The following USP30 variants were observed in gnomAD, a reference collection of about 807,000 sequenced individuals.
USP30 encodes ubiquitin carboxyl-terminal hydrolase 30.
A neutral mutation model predicts 68.2 loss-of-function variants in USP30; 41 were observed. That is an observed-to-expected ratio of 0.60 (90% CI 0.47 to 0.78). The LOEUF is 0.78. Ranked by LOEUF, USP30 falls within the 30% of genes least tolerant of loss-of-function variation. USP30 has a pLI of 0.00. For missense variants in USP30, 522 were observed against 649.4 expected, an observed-to-expected ratio of 0.80 and a Z score of 2.13; for synonymous variants, 229 against 253.7, an observed-to-expected ratio of 0.90 and a Z score of 0.93.
At position 109,066,071 on chromosome 12, in the gene USP30, G is replaced by A. The variant is rs144845334; in HGVS notation, c.377-1453G>A. 5.5e-3 allele frequency among the ~76,000 whole-genome samples: 830 copies of A among 151,996 alleles called. 6 individuals carry two copies. The highest frequency in any genetic ancestry group is 9.4e-3 in the Non-Finnish European group (640 of 67,966). On this transcript the variant is annotated intron_variant, in intron 3 of 12. Coordinates refer to ENST00000257548, the MANE Select transcript of USP30 (RefSeq NM_032663.5). ...ATTCAAGACCAGCCTGGGCAACATG[G>A]TGAAACTCTGTCACTACAAAAAATA...
intron 3 of USP30, among the ~76,000 whole-genome samples, chr12:109,043,178 A>T (rs1161062220): frequency 6.6e-6 from 1 of 152,198 alleles, no homozygotes; most frequent in Non-Finnish European, 1.5e-5. Flanking sequence ...ACCCAAAGTG[A>T]TCTGTAGAGT....
intron 8 of USP30, chr12:109,081,660 C>CACACACACACACACACACACAG: frequency 3.5e-6 from 2 of 565,530 alleles, no homozygotes; most frequent in South Asian, 4.3e-5. Context: ...CACACACACA[C>CACACACACACACACACACACAG]ACAGACATTA....
intron 1 of USP30, among the ~76,000 whole-genome samples, chr12:109,023,946 T>C (rs2040425983): frequency 6.6e-6 from 1 of 151,944 alleles, no homozygotes; most frequent in African/African-American, 2.4e-5. Context: ...ATCAGTATTT[T>C]TTGATGTTCA....
At chr12:109,073,182 AC>A (rs902441845) in intron 6 of USP30, among the ~76,000 whole-genome samples, 1 of 152,246 alleles carries the variant, frequency 6.6e-6, no homozygotes, top group African/African-American at 2.4e-5. Context: ...ACATTATTCA[AC>A]ACAAATTCCT....
chr12:109,047,722 T>G (rs377110873), upstream of USP30: 85 of 152,372 alleles, frequency 5.6e-4, no homozygotes, highest in African/African-American at 2.0e-3. Context: ...TGGGTAAGTG[T>G]GGCATTTAAA....
intron 3 of USP30, among the ~76,000 whole-genome samples, chr12:109,067,262 C>CA (rs1477431611): frequency 3.4e-5 from 5 of 148,684 alleles, no homozygotes; most frequent in African/African-American, 1.2e-4. Flanking sequence ...TACAGGCACC[C>CA]ACCACCACGC....
chr12:109,076,217 A>G (rs878985215), intron 7 of USP30, among the ~76,000 whole-genome samples: 1 of 152,212 alleles, frequency 6.6e-6, no homozygotes, highest in Admixed American at 6.5e-5. Flanking sequence ...ATTGTTTGCC[A>G]CTAGTATATA....
Position 109,085,056 on chromosome 12 carries a change from A to G in USP30, c.1272A>G (p.Pro424=), listed in dbSNP as rs2041908168. The stretch of plus-strand genomic sequence containing the variant: ...CAGCGCCGATGCCCTTCCCTCTCCC[A>G]GTTGTTCCCGACTACAGGTGAGCCA... ...TLSAPMPFPL[P]VVPDYSSSTY... is the part of the protein sequence containing the mutation. Residue 424 remains proline, a synonymous_variant, in exon 12 of 13, where the codon CCA becomes CCG. Transcript: ENST00000257548. 1.3e-6 allele frequency: 2 copies of G among 1,593,614 alleles called. No individual in the cohort carries two copies. Among genetic ancestry groups the G allele is most frequent in the African/African-American group, 1.3e-5 (1 of 74,404 alleles).
At position 109,070,236 on chromosome 12, in the gene USP30, G is replaced by C. The variant is rs1373389963; in HGVS notation, c.481-1376G>C. The stretch of plus-strand genomic sequence containing the variant: ...TGGCTCAGACTGGGGTCGAAGCAGG[G>C]TAGCTGAGAGTCCTCAGGAATTTAG... On this transcript the variant is annotated intron_variant, in intron 4 of 12. Coordinates refer to ENST00000257548, the MANE Select transcript of USP30 (RefSeq NM_032663.5). This position sits in a 1 kb window ranked among gnomAD's most constrained non-coding sequence, Gnocchi z 4.0. Among the ~76,000 whole-genome samples, 1 of 152,184 alleles carries C rather than the reference G, an allele frequency of 6.6e-6. No homozygotes were observed. The highest frequency in any genetic ancestry group is 6.5e-5 in the Admixed American group (1 of 15,282).
intron 4 of USP30, among the ~76,000 whole-genome samples, chr12:109,069,493 C>G (rs914584798): frequency 2.0e-5 from 3 of 152,238 alleles, no homozygotes; most frequent in Admixed American, 1.3e-4. Flanking sequence ...TCTCTACTTC[C>G]ACTCTACAGC....
chr12:109,054,961 G>A (rs1382423961), intron 1 of USP30, among the ~76,000 whole-genome samples: 2 of 152,058 alleles, frequency 1.3e-5, no homozygotes, highest in Non-Finnish European at 2.9e-5. Context: ...AATGTTTACT[G>A]AACTGAAATC....
At chr12:109,054,935 G>T (rs1466486087) in intron 1 of USP30, 1 of 152,134 alleles carries the variant, frequency 6.6e-6, no homozygotes, top group Non-Finnish European at 1.5e-5. Context: ...TACCACCAGT[G>T]ACTCTTCACC....
At chr12:109,050,608 T>G (rs1186255508), upstream of USP30, among the ~76,000 whole-genome samples, 1 of 152,194 alleles carries the variant, frequency 6.6e-6, no homozygotes, top group Non-Finnish European at 1.5e-5. Context: ...CTGGCTCTAA[T>G]GCTTTATAAA....
At chr12:109,057,547 C>T (rs2040915781) in intron 2 of USP30, among the ~76,000 whole-genome samples, 1 of 152,154 alleles carries the variant, frequency 6.6e-6, no homozygotes, top group African/African-American at 2.4e-5. Context: ...TTGTTTTCTT[C>T]TGTTCTGAGA....
At chr12:109,052,434 C>T, upstream of USP30, 1 of 385,364 alleles carries the variant, frequency 2.6e-6, no homozygotes, top group South Asian at 7.7e-5. Flanking sequence ...CTGAGCCCAG[C>T]GTAGCAACCG....
chr12:109,034,044 A>G (rs1252201836), intron 3 of USP30, among the ~76,000 whole-genome samples: 1 of 152,184 alleles, frequency 6.6e-6, no homozygotes, highest in Non-Finnish European at 1.5e-5. Context: ...GGGAAGAGGT[A>G]ATTCAGAAGC....
intron 5 of USP30, among the ~76,000 whole-genome samples, chr12:109,072,050 A>G (rs1473531595): frequency 1.3e-5 from 2 of 152,230 alleles, no homozygotes; most frequent in Non-Finnish European, 2.9e-5. Flanking sequence ...GGAGGAGTTG[A>G]CAAAAGTTAA....
At chr12:109,051,881 T>C (rs2040681384), upstream of USP30, among the ~76,000 whole-genome samples, 3 of 152,162 alleles carry the variant, frequency 2.0e-5, no homozygotes, top group African/African-American at 7.2e-5. Flanking sequence ...ACCTCCTGCT[T>C]TTCACTTTAA....
Position 109,033,845 on chromosome 12 carries a change from AG to A in USP30, c.-136+6290del, listed in dbSNP as rs2040499901. On this transcript the variant is annotated intron_variant, in intron 3 of 15. Coordinates refer to the USP30 transcript ENST00000392784. ...AATGTAAAGGTGCACAACTTTAAGGAGTCCCTGGGTCACATAGCTCATCCCT... is the reference window on the plus strand; with the variant it reads ...AATGTAAAGGTGCACAACTTTAAGGATCCCTGGGTCACATAGCTCATCCCT... Among the ~76,000 whole-genome samples, 5 of 152,258 alleles carry A rather than the reference AG, an allele frequency of 3.3e-5. No individual in the cohort carries two copies. The South Asian group carries it at 1.0e-3, about 32-fold the overall frequency.
Sources: gnomAD v4.1 joint callset for allele counts (sites outside exome capture counted in the v4.1 genomes callset) on GRCh38, gnomAD v4.1.1 for gene constraint, Gnocchi (gnomAD v3.1) non-coding constraint, MANE v1.5 for transcripts, NCBI Gene and HGNC (gene_info 2026-07-23, HGNC 2026-07-21) for gene names.